The following ODAD2 variants were observed in gnomAD, a reference collection of about 807,000 sequenced individuals.
ODAD2 encodes the protein outer dynein arm docking complex subunit 2.
A neutral mutation model predicts 106.8 loss-of-function variants in ODAD2; 89 were observed. The ratio of observed to expected loss-of-function variants is 0.83; its 90% CI spans 0.70 to 0.99. The LOEUF (loss-of-function observed/expected upper bound fraction) is 0.99. ODAD2 is among the 50% of genes least tolerant of loss of function. ODAD2 has a pLI of 0.00. For synonymous variants in ODAD2, 404 were observed against 436.2 expected (o/e 0.93, Z 0.92); for missense variants, 1,168 against 1,238.5 (o/e 0.94, Z 0.85).
chr10:27,950,922 A>C (rs900102670), intron 10 of ODAD2, among the ~76,000 whole-genome samples: 1 of 152,218 alleles, frequency 6.6e-6, no homozygotes, highest in African/African-American at 2.4e-5. Context: ...ATAGTTCAAT[A>C]AAGTGGACAC....
chr10:27,858,087 G>T (rs527863561), intron 19 of ODAD2, among the ~76,000 whole-genome samples: 54 of 152,252 alleles, frequency 3.5e-4, no homozygotes, highest in African/African-American at 1.3e-3. Context: ...TACCTGGCTC[G>T]TGAAATCTTC....
At chr10:27,890,424 A>G (rs761805095) in intron 17 of ODAD2, among the ~76,000 whole-genome samples, 29 of 152,236 alleles carry the variant, frequency 1.9e-4, no homozygotes, top group Non-Finnish European at 3.1e-4. Context: ...CTGTGCTTTC[A>G]AAATTAAGTG....
intron 19 of ODAD2, among the ~76,000 whole-genome samples, chr10:27,833,061 G>A (rs1181657810): frequency 6.6e-6 from 1 of 152,012 alleles, no homozygotes; most frequent in Non-Finnish European, 1.5e-5. Flanking sequence ...CCCTTGCCTG[G>A]CCGTGCTTTT....
intron 19 of ODAD2, among the ~76,000 whole-genome samples, chr10:27,819,746 C>G (rs1836451981): frequency 6.6e-6 from 1 of 151,672 alleles, no homozygotes; most frequent in African/African-American, 2.4e-5. Flanking sequence ...ACCTCAAAAC[C>G]CATACCCTTG....
intron 8 of ODAD2, among the ~76,000 whole-genome samples, chr10:27,969,724 G>A (rs534856233): frequency 9.2e-5 from 14 of 152,268 alleles, no homozygotes; most frequent in African/African-American, 2.6e-4. Flanking sequence ...AGGTCCCTGT[G>A]TGATCAACCA....
At chr10:27,981,757 A>G in intron 6 of ODAD2, 175 bp from the exon 7 acceptor site, 2 of 466,562 alleles carry the variant, frequency 4.3e-6, no homozygotes, top group Non-Finnish European at 7.5e-6. Flanking sequence ...AATGTTATCT[A>G]TTTTTCCATT....
At chr10:27,829,791 A>C (rs966578066) in intron 19 of ODAD2, among the ~76,000 whole-genome samples, 2 of 152,186 alleles carry the variant, frequency 1.3e-5, no homozygotes, top group Non-Finnish European at 2.9e-5. Flanking sequence ...AAAGAAACTG[A>C]ATGAGTTTTA....
intron 7 of ODAD2, among the ~76,000 whole-genome samples, chr10:27,974,613 G>A (rs1849069517): frequency 6.7e-6 from 1 of 150,254 alleles, no homozygotes; most frequent in South Asian, 2.1e-4. Flanking sequence ...CCAGTACCAT[G>A]TTGTTTCGGT....
At chr10:27,954,377 T>C (rs1423985217) in intron 10 of ODAD2, among the ~76,000 whole-genome samples, 1 of 152,220 alleles carries the variant, frequency 6.6e-6, no homozygotes, top group Non-Finnish European at 1.5e-5. Flanking sequence ...TACATAAAGC[T>C]GCCTTAGATA....
intron 17 of ODAD2, among the ~76,000 whole-genome samples, chr10:27,868,681 G>C (rs1030563004): frequency 1.3e-5 from 2 of 152,010 alleles, no homozygotes; most frequent in Non-Finnish European, 1.5e-5. Flanking sequence ...GGGCCTGCTG[G>C]GGCACGGAGG....
chr10:27,977,286 C>CT, intron 7 of ODAD2, among the ~76,000 whole-genome samples: 1 of 151,832 alleles, frequency 6.6e-6, no homozygotes, highest in Non-Finnish European at 1.5e-5. Context: ...AAGACTCGGC[C>CT]GGGCACGGTG....
At chr10:27,914,176 T>A (rs921593566) in intron 16 of ODAD2, among the ~76,000 whole-genome samples, 3 of 151,908 alleles carry the variant, frequency 2.0e-5, no homozygotes, top group African/African-American at 7.2e-5. Flanking sequence ...AAACAATAAA[T>A]ATTAAGTGAG....
chr10:27,828,344 C>T (rs1025111097), intron 19 of ODAD2, among the ~76,000 whole-genome samples: 1 of 152,032 alleles, frequency 6.6e-6, no homozygotes, highest in African/African-American at 2.4e-5. Flanking sequence ...AAGATTAAGG[C>T]TAAATATGCA....
At chr10:27,900,752 C>G (rs1465008950) in intron 17 of ODAD2, among the ~76,000 whole-genome samples, 1 of 151,862 alleles carries the variant, frequency 6.6e-6, no homozygotes, top group Non-Finnish European at 1.5e-5. Flanking sequence ...AGCATGAAGA[C>G]AAGATTAGAG....
At chr10:27,902,501 A>G (rs564051010) in intron 17 of ODAD2, among the ~76,000 whole-genome samples, 96 of 152,300 alleles carry the variant, frequency 6.3e-4, no homozygotes, top group African/African-American at 2.3e-3. Flanking sequence ...AAATCAATGA[A>G]TCCAGGAGCT....
intron 17 of ODAD2, among the ~76,000 whole-genome samples, chr10:27,894,273 TGG>T (rs1348211824): frequency 3.3e-5 from 5 of 151,236 alleles, no homozygotes; most frequent in African/African-American, 1.2e-4. Flanking sequence ...TATAACCAAG[TGG>T]GGAAAGTTTT....
intron 19 of ODAD2, among the ~76,000 whole-genome samples, chr10:27,841,645 C>G (rs543310831): frequency 6.6e-6 from 1 of 152,194 alleles, no homozygotes; most frequent in African/African-American, 2.4e-5. Flanking sequence ...ATCTGCCTGC[C>G]TCGGCCTCCC....
chr10:27,822,294 A>G (rs1231761570), intron 19 of ODAD2, among the ~76,000 whole-genome samples: 1 of 152,242 alleles, frequency 6.6e-6, no homozygotes, highest in Non-Finnish European at 1.5e-5. Context: ...GAGTGATAAC[A>G]GATTTTCTTG....
At chr10:27,818,314 T>C (rs1040393646) in intron 19 of ODAD2, among the ~76,000 whole-genome samples, 1 of 152,092 alleles carries the variant, frequency 6.6e-6, no homozygotes, top group Non-Finnish European at 1.5e-5. Context: ...GATTATAGGA[T>C]TTTAAAGTTA....
Sources: gnomAD v4.1 joint callset for allele counts (sites outside exome capture counted in the v4.1 genomes callset) on GRCh38, gnomAD v4.1.1 for gene constraint, MANE v1.5 for transcripts, NCBI Gene and HGNC (gene_info 2026-07-23, HGNC 2026-07-21) for gene names.